TANGO6: variants seen among roughly 807,000 people sequenced by gnomAD.
TANGO6 encodes transport and golgi organization 6 homolog, also known as transport and Golgi organization protein 6 homolog.
Under a neutral mutation model 114.2 loss-of-function variants are expected in TANGO6, and 90 were observed. The ratio of observed to expected loss-of-function variants is 0.79; its 90% confidence interval spans 0.66 to 0.94. The LOEUF (loss-of-function observed/expected upper bound fraction) is 0.94. TANGO6 is among the 40% of genes least tolerant of loss of function. The pLI is 0.00. For missense variants in TANGO6, 1,274 were observed against 1,315.3 expected (o/e 0.97, Z 0.49); for synonymous variants, 477 against 509.8 (o/e 0.94, Z 0.87).
At chr16:69,032,782 G>A (rs1321655976) in intron 16 of TANGO6, among the ~76,000 whole-genome samples, 1 of 151,836 alleles carries the variant, frequency 6.6e-6, no homozygotes, top group Non-Finnish European at 1.5e-5. Context: ...GGAGGCTGAG[G>A]CAGAGAACTG....
Position 69,083,472 on chromosome 16 carries a change from C to G in TANGO6, c.3109-13C>G. ...ACAGTAGACAGGCGGTCATGGCTGT[C>G]TCTCTCATGCAGGTGCTGAGCGCCG... On this transcript the variant is annotated splice_polypyrimidine_tract_variant and intron_variant, in intron 17 of 17. Coordinates refer to ENST00000261778, the MANE Select transcript of TANGO6 (RefSeq NM_024562.2). 6.2e-7 allele frequency: 1 copy of G among 1,600,982 alleles called. No homozygotes were observed. The highest frequency in any genetic ancestry group is 8.5e-7 in the Non-Finnish European group (1 of 1,172,620).
intron 15 of TANGO6, chr16:69,007,042 T>A (rs1964097674): frequency 6.6e-6 from 1 of 152,154 alleles, no homozygotes; most frequent in African/African-American, 2.4e-5. Context: ...TGTTTTCTTT[T>A]TCTTTTATTT....
intron 5 of TANGO6, among the ~76,000 whole-genome samples, chr16:68,876,585 CT>C (rs1166624957): frequency 6.6e-6 from 1 of 151,430 alleles, no homozygotes; most frequent in Non-Finnish European, 1.5e-5. Context: ...GTTTGGGAGG[CT>C]GAGGTGGGCA....
In TANGO6 at chr16:68,927,607, C is replaced by T; in HGVS notation, c.2167C>T (p.Pro723Ser). 6.2e-7 allele frequency: 1 copy of T among 1,613,924 alleles called. No individual in the cohort carries two copies. Residue 723 changes from proline (P) to serine (S), a missense_variant, in exon 13 of 18, where the codon CCT becomes TCT. Pro to Ser is a moderately conservative substitution (Grantham distance 74). Around this residue, in one of 5 missense-constraint regions of TANGO6, gnomAD observed 908 missense variants for 910.2 expected, o/e 1.00. Transcript: ENST00000261778. ...TTTTGCTGTTCTGAAGCAGTTGTTG[C>T]CTCTGTTGGAGAAGGTATCCAACAC... ...SDFAVLKQLL[P>S]LLEKVSNTYP...
At chr16:68,875,986 T>C (rs934948264) in intron 5 of TANGO6, among the ~76,000 whole-genome samples, 1 of 152,178 alleles carries the variant, frequency 6.6e-6, no homozygotes, top group Non-Finnish European at 1.5e-5. Flanking sequence ...TAAGTCTCCC[T>C]ACCATTCCTG....
intron 17 of TANGO6, among the ~76,000 whole-genome samples, chr16:69,043,854 G>T (rs1959810497): frequency 6.6e-6 from 1 of 152,194 alleles, no homozygotes; most frequent in Non-Finnish European, 1.5e-5. Flanking sequence ...CCAGGTTTCA[G>T]TGAATTCTCT....
At chr16:69,072,122 C>CATGT (rs72052000) in intron 17 of TANGO6, among the ~76,000 whole-genome samples, 1 of 116,618 alleles carries the variant, frequency 8.6e-6, no homozygotes, top group African/African-American at 3.5e-5. Flanking sequence ...AGAGGGAGAC[C>CATGT]GTGTGTGTGT....
chr16:69,048,169 G>GAA (rs1448688345), intron 17 of TANGO6, among the ~76,000 whole-genome samples: 1 of 151,476 alleles, frequency 6.6e-6, no homozygotes, highest in Non-Finnish European at 1.5e-5. Flanking sequence ...TGCTGCCTCT[G>GAA]CCTCCTGGGT....
At chr16:69,016,199 A>G (rs1384201715) in intron 15 of TANGO6, among the ~76,000 whole-genome samples, 1 of 152,190 alleles carries the variant, frequency 6.6e-6, no homozygotes, top group Non-Finnish European at 1.5e-5. Context: ...TACTGAGAAC[A>G]TTGGCACATT....
intron 14 of TANGO6, among the ~76,000 whole-genome samples, chr16:68,953,182 C>T (rs943499519): frequency 1.3e-5 from 2 of 151,812 alleles, no homozygotes; most frequent in Admixed American, 6.6e-5. Flanking sequence ...CTCCCAGGTT[C>T]GAGCGATTCT....
rs763891913 is a variant in TANGO6 at position 68,902,308 on chromosome 16, A to G, written c.1491-20A>G. On this transcript the variant is annotated intron_variant, in intron 8 of 17. Transcript: ENST00000261778. Reference sequence around the variant, plus strand: ...ATGGAGTAAGATGACAAGCTCATTCATAACTGCTTTTTCTGCCAGGTCACT... The same window carrying G: ...ATGGAGTAAGATGACAAGCTCATTCGTAACTGCTTTTTCTGCCAGGTCACT... 27 of 1,600,764 alleles carry G rather than the reference A, an allele frequency of 1.7e-5. No homozygotes were observed. In the East Asian group the frequency reaches 5.6e-4, roughly 33 times the overall value.
intron 14 of TANGO6, among the ~76,000 whole-genome samples, chr16:68,969,047 G>T (rs1227400225): frequency 6.6e-6 from 1 of 152,148 alleles, no homozygotes; most frequent in African/African-American, 2.4e-5. Flanking sequence ...ATGCGTCTGT[G>T]AACTCTTCCC....
intron 17 of TANGO6, among the ~76,000 whole-genome samples, chr16:69,072,014 A>G: frequency 6.9e-6 from 1 of 143,898 alleles, no homozygotes; most frequent in African/African-American, 2.7e-5. Flanking sequence ...GAGGGTGAAG[A>G]GAGAGGGAGA....
chr16:68,902,785 A>G (rs759719723), intron 9 of TANGO6, among the ~76,000 whole-genome samples: 4 of 152,236 alleles, frequency 2.6e-5, no homozygotes, highest in Admixed American at 6.5e-5. Context: ...TAATCAGAGT[A>G]AAGGGCAGAC....
In TANGO6 at chr16:69,022,864, A is replaced by G; in HGVS notation, c.2879A>G (p.His960Arg). 3 of 1,591,006 alleles carry G rather than the reference A, an allele frequency of 1.9e-6. No homozygotes were observed. The highest frequency in any genetic ancestry group is 2.6e-6 in the Non-Finnish European group (3 of 1,167,966). The stretch of plus-strand genomic sequence containing the variant: ...TCAAAGTACCGAGAACCTTTGATCC[A>G]TACCTTCCTGAGGGGAGTGAGAGAT... ...MVSKYREPLI[H>R]TFLRGVRDPD... The change falls in exon 16 of 18, where the codon CAT (histidine) becomes CGT (arginine). Residue 960 changes from histidine (H) to arginine (R), a missense_variant. His to Arg is a conservative substitution (Grantham distance 29, BLOSUM62 0). Coordinates refer to ENST00000261778, the MANE Select transcript of TANGO6 (RefSeq NM_024562.2).
At chr16:69,015,889 T>G (rs953690590) in intron 15 of TANGO6, among the ~76,000 whole-genome samples, 1 of 152,186 alleles carries the variant, frequency 6.6e-6, no homozygotes. Context: ...TCTTGACTTA[T>G]ATGGCCAGTC....
intron 14 of TANGO6, among the ~76,000 whole-genome samples, chr16:68,971,712 G>A (rs967218507): frequency 6.6e-6 from 1 of 151,334 alleles, no homozygotes; most frequent in African/African-American, 2.4e-5. Context: ...GCTCACTGCA[G>A]CCTCTTCCTC....
At chr16:69,069,632 C>G (rs892084172) in intron 17 of TANGO6, among the ~76,000 whole-genome samples, 1 of 152,094 alleles carries the variant, frequency 6.6e-6, no homozygotes, top group Non-Finnish European at 1.5e-5. Context: ...GTATAACTTG[C>G]GTGTTATTCC....
At chr16:68,879,810 GT>G (rs1439490942) in intron 6 of TANGO6, among the ~76,000 whole-genome samples, 1 of 151,628 alleles carries the variant, frequency 6.6e-6, no homozygotes, top group East Asian at 1.9e-4. Flanking sequence ...TAGAGATGGG[GT>G]TTCACTGTGT....
Sources: gnomAD v4.1 joint callset for allele counts (sites outside exome capture counted in the v4.1 genomes callset) on GRCh38, gnomAD v4.1.1 for gene constraint, gnomAD v4.1.1 regional missense constraint, MANE v1.5 for transcripts, NCBI Gene and HGNC (gene_info 2026-07-23, HGNC 2026-07-21) for gene names.